Variants in ARHGAP6 observed in about 807,000 individuals in gnomAD.
ARHGAP6 encodes Rho GTPase activating protein 6, also known as rho GTPase-activating protein 6.
Under a neutral mutation model 55.7 loss-of-function variants are expected in ARHGAP6, and 16 were observed. The observed-to-expected ratio is 0.29, with a 90% confidence interval of 0.19 to 0.44. The LOEUF (loss-of-function observed/expected upper bound fraction) is 0.44. ARHGAP6 is among the 20% of genes least tolerant of loss of function. The pLI, the probability that ARHGAP6 is intolerant of heterozygous loss-of-function variation, is 1.00. For missense variants in ARHGAP6, 698 were observed against 808.9 expected, an observed-to-expected ratio of 0.86 and a Z score of 1.66; for synonymous variants, 382 against 360.9, an observed-to-expected ratio of 1.06 and a Z score of -0.66.
intron 1 of ARHGAP6, among the ~76,000 whole-genome samples, chrX:11,520,152 T>TAA (rs1486839340): frequency 5.7e-5 from 4 of 70,693 alleles, no homozygotes; most frequent in Non-Finnish European, 1.1e-4. Flanking sequence ...TATATATATA[T>TAA]ATATATATAT....
At chrX:11,624,040 G>A (rs2052264608) in intron 1 of ARHGAP6, among the ~76,000 whole-genome samples, 1 of 111,331 alleles carries the variant, frequency 9.0e-6, no homozygotes, top group Admixed American at 9.5e-5. Context: ...ACAGACCAAT[G>A]GAACAAAATA....
intron 1 of ARHGAP6, among the ~76,000 whole-genome samples, chrX:11,593,280 G>A (rs1172838862): frequency 1.8e-5 from 2 of 111,557 alleles, no homozygotes; most frequent in African/African-American, 6.5e-5. Flanking sequence ...TTTGGCTCTC[G>A]TAGAGTGGCC....
At chrX:11,203,102 T>C (rs2147373553) in intron 2 of ARHGAP6, among the ~76,000 whole-genome samples, 1 of 111,634 alleles carries the variant, frequency 9.0e-6, no homozygotes, top group African/African-American at 3.3e-5. Context: ...TGGCTAGCAA[T>C]CAATATATTT....
At chrX:11,574,125 C>T (rs1326702960) in intron 1 of ARHGAP6, among the ~76,000 whole-genome samples, 1 of 110,673 alleles carries the variant, frequency 9.0e-6, no homozygotes, top group Non-Finnish European at 1.9e-5. Context: ...GATGGATTCA[C>T]AGCCGAATTC....
At chrX:11,243,273 C>T (rs1602946970) in intron 2 of ARHGAP6, among the ~76,000 whole-genome samples, 1 of 111,335 alleles carries the variant, frequency 9.0e-6, no homozygotes. Flanking sequence ...TCCATTTTGT[C>T]AGTTGCTCAT....
intron 2 of ARHGAP6, among the ~76,000 whole-genome samples, chrX:11,224,928 T>C (rs1421391032): frequency 2.5e-4 from 28 of 111,094 alleles, no homozygotes; most frequent in African/African-American, 8.5e-4. Context: ...AACTCCAGTT[T>C]GACCATTGCT....
chrX:11,230,337 A>G (rs930695181), intron 2 of ARHGAP6, among the ~76,000 whole-genome samples: 4 of 111,268 alleles, frequency 3.6e-5, no homozygotes, highest in African/African-American at 1.3e-4. Flanking sequence ...AGCTGGGACT[A>G]CAGGCACACG....
At chrX:11,419,661 C>A (rs2049795295) in intron 1 of ARHGAP6, among the ~76,000 whole-genome samples, 1 of 112,144 alleles carries the variant, frequency 8.9e-6, no homozygotes, top group Non-Finnish European at 1.9e-5. Flanking sequence ...TGGAGAGGCA[C>A]CCACCTGGCA....
intron 1 of ARHGAP6, among the ~76,000 whole-genome samples, chrX:11,276,207 C>G (rs181002817): frequency 1.5e-4 from 17 of 111,400 alleles, no homozygotes; most frequent in Admixed American, 1.0e-3. Flanking sequence ...AACCATCACA[C>G]TCATCTCCCC....
intron 1 of ARHGAP6, among the ~76,000 whole-genome samples, chrX:11,557,300 T>C (rs953770755): frequency 1.1e-4 from 12 of 111,931 alleles, no homozygotes; most frequent in Non-Finnish European, 7.5e-5. Context: ...GCATGAATGC[T>C]AGATTACTCA....
chrX:11,628,560 C>T (rs1014881564), intron 1 of ARHGAP6, among the ~76,000 whole-genome samples: 2 of 112,587 alleles, frequency 1.8e-5, no homozygotes, highest in African/African-American at 3.2e-5. Flanking sequence ...GACAACATTT[C>T]TTTCTGTGAT....
intron 1 of ARHGAP6, among the ~76,000 whole-genome samples, chrX:11,517,984 TA>T (rs2050862819): frequency 9.0e-6 from 1 of 111,284 alleles, no homozygotes. Flanking sequence ...AAAATAAAAA[TA>T]AAAACTTTAA....
At position 11,138,570 on chromosome X, in the gene ARHGAP6, C is replaced by T. The variant is rs1261346256; in HGVS notation, c.*293G>A. ...ACACATAAATACGGTTAGGCTATACCAAGCAAGAGTTGTATCTTATATTAT... is the reference window on the plus strand; with the variant it reads ...ACACATAAATACGGTTAGGCTATACTAAGCAAGAGTTGTATCTTATATTAT... On this transcript the variant is annotated 3_prime_UTR_variant, in exon 13 of 13. Coordinates refer to ENST00000337414, the MANE Select transcript of ARHGAP6 (RefSeq NM_013427.3). 2.7e-6 allele frequency: 1 copy of T among 366,212 alleles called. No homozygotes were observed. The highest frequency in any genetic ancestry group is 2.6e-5 in the African/African-American group (1 of 38,109). The allele number at this position is 366,212 out of a possible 1,213,427, so 30.2% of individuals were successfully genotyped here.
chrX:11,607,782 G>T (rs752368284), intron 1 of ARHGAP6, among the ~76,000 whole-genome samples: 4 of 112,249 alleles, frequency 3.6e-5, no homozygotes, highest in Admixed American at 9.5e-5. Flanking sequence ...ATGTTTGATT[G>T]TAGCCAAAAA....
chrX:11,186,488 C>T lies in ARHGAP6; in HGVS notation c.1078-57G>A, dbSNP rs1389581767. 23 of 942,480 alleles carry T rather than the reference C, an allele frequency of 2.4e-5. No homozygotes were observed. The East Asian group carries it at 3.1e-4, about 13-fold the overall frequency. The allele number at this position is 942,480 out of a possible 1,213,427, so 77.7% of individuals were successfully genotyped here. A position where few individuals can be genotyped will look rare whatever the true frequency, so the allele number is the denominator to read the frequency against. On this transcript the variant is annotated intron_variant, in intron 4 of 12. Transcript: ENST00000337414. Reference sequence around the variant, plus strand: ...TACAGATAGCCAAAAAACCCAGCTGCCCCCAGATGCTAACCAATACATACT... The same window carrying T: ...TACAGATAGCCAAAAAACCCAGCTGTCCCCAGATGCTAACCAATACATACT...
At position 11,533,827 on chromosome X, in the gene ARHGAP6, TTG is replaced by T. The variant is rs1260895970; in HGVS notation, c.588+130412_588+130413del. ...TAACATGCATCATCTTGCAGTCATT[TTG>T]TGATTCTTACCATATTTTGTCCAAA... is the stretch of plus-strand genomic sequence containing the variant. On this transcript the variant is annotated intron_variant, in intron 1 of 12. Transcript: ENST00000337414. 5.3e-5 allele frequency among the ~76,000 whole-genome samples: 6 copies of T among 112,480 alleles called. No homozygotes were observed. In the East Asian group the frequency reaches 1.1e-3, roughly 21 times the overall value.
chrX:11,372,173 G>T (rs538693335), intron 1 of ARHGAP6, among the ~76,000 whole-genome samples: 1 of 112,176 alleles, frequency 8.9e-6, no homozygotes, highest in African/African-American at 3.2e-5. Context: ...TCAAGTATTT[G>T]CTGTAGCTTT....
chrX:11,664,708 C>A lies in ARHGAP6; in HGVS notation c.121G>T (p.Ala41Ser). The A allele has an allele frequency of 8.4e-7, 1 of 1,186,201 alleles. No homozygotes were observed. The highest frequency in any genetic ancestry group is 1.1e-6 in the Non-Finnish European group (1 of 884,395). ...KLRQTRSLDP[A>S]LIGGCGSDEA... ...TCGCTCCCGCAGCCGCCGATCAGGG[C>A]CGGGTCCAGGCTGCGGGTCTGGCGC... is the stretch of plus-strand genomic sequence containing the variant. Residue 41 changes from alanine (A) to serine (S), a missense_variant, in exon 1 of 13, where the codon GCC becomes TCC. Ala to Ser is a moderately conservative substitution (Grantham distance 99, BLOSUM62 1). Around this residue, in one of 3 missense-constraint regions of ARHGAP6, gnomAD observed 164 missense variants for 149.2 expected, o/e 1.10. Transcript: ENST00000337414.
At chrX:11,312,928 C>G (rs2048317227) in intron 1 of ARHGAP6, among the ~76,000 whole-genome samples, 1 of 111,893 alleles carries the variant, frequency 8.9e-6, no homozygotes, top group Admixed American at 9.5e-5. Context: ...AATTTAGCAG[C>G]CTTCCAGACA....
Sources: allele counts gnomAD v4.1 joint callset (sites outside exome capture counted in the v4.1 genomes callset), GRCh38; gene constraint gnomAD v4.1.1; regional missense constraint gnomAD v4.1.1; transcripts MANE v1.5; gene names NCBI Gene and HGNC (gene_info 2026-07-23, HGNC 2026-07-21).